IMMP2L: variants seen among roughly 807,000 people sequenced by gnomAD.
The protein encoded by IMMP2L is inner mitochondrial membrane peptidase subunit 2, also known as mitochondrial inner membrane protease subunit 2.
IMMP2L carries 18 observed loss-of-function variants against 19.3 expected under a neutral mutation model. The observed-to-expected ratio is 0.93, with a 90% confidence interval of 0.64 to 1.38. The LOEUF (loss-of-function observed/expected upper bound fraction) is 1.38, where lower values mean the gene tolerates loss of function less well. Ranked by LOEUF, IMMP2L falls within the 40% of genes most tolerant of loss-of-function variation. The pLI is 0.00. For synonymous variants in IMMP2L, 76 were observed against 73.0 expected (o/e 1.04, Z -0.21); for missense variants, 233 against 218.2 (o/e 1.07, Z -0.43).
intron 4 of IMMP2L, among the ~76,000 whole-genome samples, chr7:110,898,594 C>T (rs1811555620): frequency 6.6e-6 from 1 of 152,058 alleles, no homozygotes; most frequent in Admixed American, 6.6e-5. Context: ...AACACAAAAA[C>T]AAAAACACAA....
At chr7:111,194,044 C>T (rs2129613684) in intron 3 of IMMP2L, among the ~76,000 whole-genome samples, 1 of 152,264 alleles carries the variant, frequency 6.6e-6, no homozygotes, top group East Asian at 1.9e-4. Context: ...ACAGCTGTCT[C>T]TTCGGGATTT....
chr7:111,439,150 T>A (rs1045135007), intron 3 of IMMP2L, among the ~76,000 whole-genome samples: 2 of 151,810 alleles, frequency 1.3e-5, no homozygotes, highest in Non-Finnish European at 2.9e-5. Context: ...TGGAAATGCT[T>A]CTCCCTGAAG....
At chr7:110,695,563 A>T (rs972064297) in intron 5 of IMMP2L, among the ~76,000 whole-genome samples, 8 of 152,200 alleles carry the variant, frequency 5.3e-5, no homozygotes, top group Admixed American at 3.3e-4. Flanking sequence ...AATAATAAAG[A>T]TAGTCTCAAA....
At chr7:111,425,206 A>G (rs1055616685) in intron 3 of IMMP2L, among the ~76,000 whole-genome samples, 2 of 151,686 alleles carry the variant, frequency 1.3e-5, no homozygotes, top group African/African-American at 4.9e-5. Flanking sequence ...AAACTAATCT[A>G]TAGTAAAGGG....
chr7:111,381,432 C>G (rs1360160084), intron 3 of IMMP2L, among the ~76,000 whole-genome samples: 1 of 151,942 alleles, frequency 6.6e-6, no homozygotes, highest in East Asian at 1.9e-4. Flanking sequence ...TCTGGATAAA[C>G]TAGATCAAAT....
chr7:111,445,859 G>C (rs1030609420), intron 3 of IMMP2L, among the ~76,000 whole-genome samples: 2 of 152,148 alleles, frequency 1.3e-5, no homozygotes, highest in African/African-American at 2.4e-5. Context: ...CGCACCGTGC[G>C]TGAGCCGAAG....
chr7:110,982,977 A>G (rs1207764376), intron 3 of IMMP2L, among the ~76,000 whole-genome samples: 1 of 152,084 alleles, frequency 6.6e-6, no homozygotes, highest in Non-Finnish European at 1.5e-5. Flanking sequence ...CCCCCTTAAT[A>G]TCACACCTTC....
intron 3 of IMMP2L, among the ~76,000 whole-genome samples, chr7:111,104,193 C>T (rs1012423435): frequency 2.6e-5 from 4 of 151,558 alleles, no homozygotes; most frequent in South Asian, 2.1e-4. Flanking sequence ...CTTTACTATT[C>T]GCATCTTGAG....
intron 3 of IMMP2L, among the ~76,000 whole-genome samples, chr7:111,205,289 G>A (rs536971414): frequency 2.6e-5 from 4 of 152,218 alleles, no homozygotes; most frequent in African/African-American, 9.6e-5. Flanking sequence ...CTATCACATT[G>A]GTGATTAAGT....
chr7:110,881,495 T>C (rs1809625098), intron 5 of IMMP2L, among the ~76,000 whole-genome samples: 1 of 152,180 alleles, frequency 6.6e-6, no homozygotes, highest in South Asian at 2.1e-4. Flanking sequence ...ATCAAAATTT[T>C]CTAAAGAATA....
chr7:110,994,522 T>A (rs1822836147), intron 3 of IMMP2L, among the ~76,000 whole-genome samples: 1 of 152,150 alleles, frequency 6.6e-6, no homozygotes, highest in Non-Finnish European at 1.5e-5. Flanking sequence ...CCTCCGCTTC[T>A]TTCTCACTTT....
At chr7:110,754,056 C>T (rs1416895828) in intron 5 of IMMP2L, among the ~76,000 whole-genome samples, 7 of 152,032 alleles carry the variant, frequency 4.6e-5, no homozygotes, top group Admixed American at 4.6e-4. Flanking sequence ...CAAAGAAATT[C>T]TTCGATTATC....
At chr7:110,751,485 T>C (rs1469179333) in intron 5 of IMMP2L, among the ~76,000 whole-genome samples, 1 of 151,848 alleles carries the variant, frequency 6.6e-6, no homozygotes, top group African/African-American at 2.4e-5. Flanking sequence ...AGATGAAACA[T>C]TCATAAAAAA....
chr7:110,915,537 T>C (rs765936504), intron 4 of IMMP2L, among the ~76,000 whole-genome samples: 9 of 152,176 alleles, frequency 5.9e-5, no homozygotes, highest in South Asian at 2.1e-4. Context: ...GAAGATCTTA[T>C]GCACAGCATG....
chr7:111,307,950 A>G (rs907663699), intron 3 of IMMP2L, among the ~76,000 whole-genome samples: 19 of 152,010 alleles, frequency 1.2e-4, no homozygotes, highest in African/African-American at 4.3e-4. Context: ...TACAGAATAT[A>G]ATTGAACACT....
chr7:110,756,948 C>G (rs1032018204), intron 5 of IMMP2L, among the ~76,000 whole-genome samples: 1 of 151,964 alleles, frequency 6.6e-6, no homozygotes, highest in Non-Finnish European at 1.5e-5. Flanking sequence ...ATGGTTTATA[C>G]ATTTTATTTG....
intron 3 of IMMP2L, among the ~76,000 whole-genome samples, chr7:111,106,533 C>G (rs1050945624): frequency 2.0e-5 from 3 of 151,712 alleles, no homozygotes. Context: ...GGAAACTTCT[C>G]ATGAACTTCT....
At chr7:111,414,595 A>G (rs536744811) in intron 3 of IMMP2L, among the ~76,000 whole-genome samples, 11 of 151,886 alleles carry the variant, frequency 7.2e-5, no homozygotes, top group Non-Finnish European at 1.6e-4. Flanking sequence ...CAATGATGGA[A>G]GCATGACATG....
intron 5 of IMMP2L, among the ~76,000 whole-genome samples, chr7:110,742,764 G>A (rs1177959613): frequency 2.5e-3 from 109 of 44,430 alleles, no homozygotes; most frequent in Non-Finnish European, 3.6e-3. Context: ...GCTAAACTCC[G>A]TCTCAAAAAA....
Sources: allele counts gnomAD v4.1 joint callset (sites outside exome capture counted in the v4.1 genomes callset), GRCh38; gene constraint gnomAD v4.1.1; transcripts MANE v1.5; gene names NCBI Gene and HGNC (gene_info 2026-07-23, HGNC 2026-07-21).